Variants in SMTN observed in about 807,000 individuals in gnomAD.
SMTN encodes smoothelin.
Under a neutral mutation model 102.0 loss-of-function variants are expected in SMTN, and 58 were observed. That is an observed-to-expected ratio of 0.57 (90% CI 0.46 to 0.71). SMTN has a LOEUF of 0.71. Among genes scored for constraint, SMTN ranks in the 30% least tolerant of loss-of-function variants. SMTN has a pLI of 0.00. For missense variants in SMTN, 1,185 were observed against 1,241.7 expected, an observed-to-expected ratio of 0.95 and a Z score of 0.69; for synonymous variants, 478 against 497.9, an observed-to-expected ratio of 0.96 and a Z score of 0.53.
At chr22:31,099,020 C>T in intron 17 of SMTN, 42 bp from the exon 18 acceptor site, 2 of 1,580,826 alleles carry the variant, frequency 1.3e-6, no homozygotes, top group Middle Eastern at 1.7e-4. Flanking sequence ...CGAGGCATGC[C>T]CCTTATAGTC....
chr22:31,075,023 C>T (rs1422295458), intron 1 of SMTN, among the ~76,000 whole-genome samples: 3 of 152,174 alleles, frequency 2.0e-5, no homozygotes, highest in Non-Finnish European at 4.4e-5. Flanking sequence ...ACAAGAGCCT[C>T]AGGCAGGTGA....
In SMTN at chr22:31,084,948, C is replaced by T. The variant is rs1372115766; in HGVS notation, c.51+1639C>T. 4 of 1,385,854 alleles carry T rather than the reference C, an allele frequency of 2.9e-6. No individual in the cohort carries two copies. The African/African-American group carries it at 4.6e-5, about 16-fold the overall frequency. 85.8% of individuals were successfully genotyped at this position (1,385,854 alleles called of 1,614,324 possible). On this transcript the variant is annotated intron_variant, in intron 2 of 20. Transcript: ENST00000333137. ...CGAGCCGGGCTCCTCCCCGCGGGGC[C>T]GGGCCATATAAGGAAAAGCTAGGCC...
chr22:31,075,921 G>A (rs1431643247), intron 1 of SMTN, among the ~76,000 whole-genome samples: 1 of 152,196 alleles, frequency 6.6e-6, no homozygotes, highest in Non-Finnish European at 1.5e-5. Flanking sequence ...CCTGTTGGAG[G>A]CCAATATGAG....
Position 31,090,994 on chromosome 22 carries a change from T to TCAG in SMTN, c.972_973insAGC (p.Phe324_Gln325insSer), listed in dbSNP as rs767379267. Reference sequence around the variant, plus strand: ...CCCCTTGCCAGCGGACCTTCCTCATTCCAGCGGGCTGGCTCTGTGCGGGAT... The same window carrying TCAG: ...CCCCTTGCCAGCGGACCTTCCTCATTCAGCCAGCGGGCTGGCTCTGTGCGGGAT... On this transcript the variant is annotated inframe_insertion, in exon 10 of 21. Transcript: ENST00000333137. 6.2e-7 allele frequency: 1 copy of TCAG among 1,613,672 alleles called. No individual in the cohort carries two copies. The highest frequency in any genetic ancestry group is 1.1e-5 in the South Asian group (1 of 91,050).
intron 1 of SMTN, among the ~76,000 whole-genome samples, chr22:31,081,785 T>C (rs1444337844): frequency 2.0e-5 from 3 of 152,114 alleles, no homozygotes; most frequent in Non-Finnish European, 2.9e-5. Context: ...GATCTTCTTA[T>C]AATCCCATGG....
chr22:31,074,650 C>T lies in SMTN; in HGVS notation c.-385-5800C>T, dbSNP rs116485319. On this transcript the variant is annotated intron_variant, in intron 1 of 3. Coordinates refer to the SMTN transcript ENST00000422839. Reference sequence around the variant, plus strand: ...ACTAAAAATATATAACTTAGCCAGGCGTGGTGGTGCACACCAGTAATCCTA... The same window carrying T: ...ACTAAAAATATATAACTTAGCCAGGTGTGGTGGTGCACACCAGTAATCCTA... Among the ~76,000 whole-genome samples, 1,105 of 152,104 alleles carry T rather than the reference C, an allele frequency of 7.3e-3. 15 individuals are homozygous for T. Among genetic ancestry groups the T allele is most frequent in the African/African-American group, 0.025 (1,048 of 41,482 alleles).
Position 31,095,458 on chromosome 22 carries a change from A to T in SMTN, c.1785+3A>T. ...ATGAAGGAGTCTTGGACAAGATGGT[A>T]TAGCCAGATCCGGTGGGCTGGGGGT... is the stretch of plus-strand genomic sequence containing the variant. On this transcript the variant is annotated splice_donor_region_variant and intron_variant, in intron 12 of 20. Coordinates refer to ENST00000333137, the MANE Select transcript of SMTN (RefSeq NM_134269.3). This position sits in a 1 kb window ranked among gnomAD's most constrained non-coding sequence, Gnocchi z 4.1. 6.2e-7 allele frequency: 1 copy of T among 1,614,254 alleles called. No individual in the cohort carries two copies. Among genetic ancestry groups the T allele is most frequent in the Admixed American group, 1.7e-5 (1 of 60,024 alleles).
In SMTN at chr22:31,088,894, G is replaced by A. The variant is rs116058461; in HGVS notation, c.396G>A (p.Leu132=). The change falls in exon 6 of 21, where the codon TTG becomes TTA. Residue 132 remains leucine (L), a synonymous_variant. Coordinates refer to ENST00000333137, the MANE Select transcript of SMTN (RefSeq NM_134269.3). ...EIEAATLAGR[L]YSGRPNSGSR... is the part of the protein sequence containing the mutation. ...CAGCTGCCACCTTGGCTGGGAGGTT[G>A]TACAGCGGGCGTCCCAACAGTGGCT... is the stretch of plus-strand genomic sequence containing the variant. 2.6e-4 allele frequency: 416 copies of A among 1,613,998 alleles called. 6 individuals are homozygous for A. The East Asian group carries it at 7.3e-3, about 28-fold the overall frequency.
At position 31,095,172 on chromosome 22, in the gene SMTN, C is replaced by T; in HGVS notation, c.1633-131C>T. 1 of 897,102 alleles carries T rather than the reference C, an allele frequency of 1.1e-6. No individual in the cohort carries two copies. The highest frequency in any genetic ancestry group is 1.7e-6 in the Non-Finnish European group (1 of 593,658). 55.6% of individuals were successfully genotyped at this position (897,102 alleles called of 1,614,324 possible). ...GCTGACATGGCCATCTTTGGGCAGG[C>T]AGGCTGGCAGGCTAGTGGTTATTTC... On this transcript the variant is annotated intron_variant, in intron 11 of 20. Coordinates refer to ENST00000333137, the MANE Select transcript of SMTN (RefSeq NM_134269.3). This position sits in a 1 kb window ranked among gnomAD's most constrained non-coding sequence, Gnocchi z 4.1.
chr22:31,071,277 G>T (rs553166647), intron 1 of SMTN, among the ~76,000 whole-genome samples: 1 of 151,180 alleles, frequency 6.6e-6, no homozygotes, highest in African/African-American at 2.4e-5. Flanking sequence ...GGCATTTCAG[G>T]CATGTGTCAG....
At chr22:31,098,998 G>C in intron 17 of SMTN, 64 bp from the exon 18 acceptor site, 3 of 1,546,818 alleles carry the variant, frequency 1.9e-6, no homozygotes, top group African/African-American at 1.4e-5. Flanking sequence ...GGGATCCACT[G>C]GGTGGGCCCA....
chr22:31,085,909 C>T (rs2071789413), intron 2 of SMTN, among the ~76,000 whole-genome samples: 1 of 152,210 alleles, frequency 6.6e-6, no homozygotes, highest in African/African-American at 2.4e-5. Context: ...GGCCAAGTTC[C>T]TACATCAGGC....
chr22:31,097,081 C>A, intron 15 of SMTN, 21 bp downstream of exon 15: 1 of 1,610,734 alleles, frequency 6.2e-7, no homozygotes, highest in Non-Finnish European at 8.5e-7. Flanking sequence ...CTGGTGTCGC[C>A]CTGTGCCTGC....
upstream of SMTN, among the ~76,000 whole-genome samples, chr22:31,080,180 GC>G (rs1273820306): frequency 6.6e-6 from 1 of 152,184 alleles, no homozygotes; most frequent in Non-Finnish European, 1.5e-5. Flanking sequence ...TTAGATGGGG[GC>G]TGGGGGGTGT....
chr22:31,091,406 C>A lies in SMTN; in HGVS notation c.1383C>A (p.Phe461Leu). Residue 461 changes from phenylalanine (F) to leucine (L), a missense_variant, in exon 10 of 21, where the codon TTC becomes TTA. Transcript: ENST00000333137. ...CAGGGGGCAGTATGAAGACCACATT[C>A]ACCATCGAGATCAAGGACGGCCGTG... The part of the protein sequence containing the change: ...AEPGGSMKTT[F>L]TIEIKDGRGQ... 6.3e-7 allele frequency: 1 copy of A among 1,577,248 alleles called. No individual in the cohort carries two copies.
chr22:31,095,280 C>T lies in SMTN; in HGVS notation c.1633-23C>T. ...TTCACCCATACCCCTGCTTAAAGTC[C>T]ATGCCCTCTCCCCACCCTGCAGATG... On this transcript the variant is annotated intron_variant, in intron 11 of 20. Transcript: ENST00000333137. The surrounding 1 kb of genome is among the most constrained non-coding windows in gnomAD (Gnocchi z 4.1). The T allele has an allele frequency of 6.2e-7, 1 of 1,611,954 alleles. No homozygotes were observed. Among genetic ancestry groups the T allele is most frequent in the Non-Finnish European group, 8.5e-7 (1 of 1,179,586 alleles).
intron 1 of SMTN, among the ~76,000 whole-genome samples, chr22:31,075,093 GTC>G (rs1289336437): frequency 6.6e-6 from 1 of 152,166 alleles, no homozygotes; most frequent in Non-Finnish European, 1.5e-5. Context: ...ACTCAAGTTT[GTC>G]TGTTTCCAGA....
chr22:31,098,685 C>T lies in SMTN; in HGVS notation c.2178C>T (p.Asp726=), dbSNP rs775745323. The part of the protein sequence containing the change: ...KKMGSIFDRE[D]QASPRAGSLA... ...CCCCTAGCATCTTCGACCGCGAGGA[C>T]CAGGCCAGCCCACGGGCCGGCAGCC... Residue 726 remains aspartate, a synonymous_variant, in exon 17 of 21, where the codon GAC becomes GAT. Coordinates refer to ENST00000333137, the MANE Select transcript of SMTN (RefSeq NM_134269.3). 3 of 1,613,508 alleles carry T rather than the reference C, an allele frequency of 1.9e-6. No individual in the cohort carries two copies. Among genetic ancestry groups the T allele is most frequent in the Non-Finnish European group, 2.5e-6 (3 of 1,179,904 alleles).
intron 19 of SMTN, among the ~76,000 whole-genome samples, 161 bp downstream of exon 19, chr22:31,100,057 A>C (rs879500072): frequency 4.9e-3 from 530 of 108,972 alleles, no homozygotes; most frequent in South Asian, 6.7e-3. Flanking sequence ...CTCCATCCCC[A>C]CCCCCCCGCT....
Sources: gnomAD v4.1 joint callset for allele counts (sites outside exome capture counted in the v4.1 genomes callset) on GRCh38, gnomAD v4.1.1 for gene constraint, Gnocchi (gnomAD v3.1) non-coding constraint, MANE v1.5 for transcripts, NCBI Gene and HGNC (gene_info 2026-07-23, HGNC 2026-07-21) for gene names.